NAALADL2: variants seen among roughly 807,000 people sequenced by gnomAD.
NAALADL2 encodes N-acetylated alpha-linked acidic dipeptidase like 2, also known as inactive N-acetylated-alpha-linked acidic dipeptidase-like protein 2.
A neutral mutation model predicts 87.2 loss-of-function variants in NAALADL2; 76 were observed. The observed-to-expected ratio is 0.87, with a 90% CI of 0.72 to 1.05. The LOEUF is 1.05. Ranked by LOEUF, NAALADL2 falls within the 50% of genes least tolerant of loss-of-function variation. NAALADL2 has a pLI of 0.00. For synonymous variants in NAALADL2, 354 were observed against 331.0 expected (o/e 1.07, Z -0.75); for missense variants, 1,089 against 945.8 (o/e 1.15, Z -1.99).
chr3:175,259,031 C>T lies in NAALADL2; in HGVS notation c.939+2501C>T, dbSNP rs144240472. On this transcript the variant is annotated intron_variant, in intron 4 of 13. Coordinates refer to ENST00000454872, the MANE Select transcript of NAALADL2 (RefSeq NM_207015.3). ...TAGGCAGTGACCAGCCAGATTAAAG[C>T]GGCATTTGTCTACATCAAGTAAATT... Among the ~76,000 whole-genome samples, 33 of 152,220 alleles carry T rather than the reference C, an allele frequency of 2.2e-4. No individual in the cohort carries two copies. The East Asian group carries it at 6.0e-3, about 28-fold the overall frequency.
At chr3:175,159,993 C>T (rs566810887) in intron 2 of NAALADL2, among the ~76,000 whole-genome samples, 140 of 68,600 alleles carry the variant, frequency 2.0e-3, no homozygotes, top group Admixed American at 4.7e-3. Context: ...TGTGCTACCA[C>T]TCGTGACTTT....
intron 9 of NAALADL2, among the ~76,000 whole-genome samples, chr3:175,575,521 G>A (rs966835028): frequency 2.6e-5 from 4 of 152,058 alleles, no homozygotes; most frequent in African/African-American, 9.7e-5. Flanking sequence ...CTAACCTCAG[G>A]TGACCCGCCT....
At chr3:175,008,582 C>A (rs558957916) in intron 1 of NAALADL2, among the ~76,000 whole-genome samples, 1 of 152,244 alleles carries the variant, frequency 6.6e-6, no homozygotes, top group Non-Finnish European at 1.5e-5. Flanking sequence ...GTTTCTTATA[C>A]TAAGTAAAGA....
At chr3:175,796,775 G>A (rs1753549289) in intron 13 of NAALADL2, among the ~76,000 whole-genome samples, 1 of 152,058 alleles carries the variant, frequency 6.6e-6, no homozygotes, top group Admixed American at 6.6e-5. Context: ...CTCAACATGG[G>A]GTATAATGAA....
intron 11 of NAALADL2, among the ~76,000 whole-genome samples, chr3:175,722,315 T>C (rs914133050): frequency 7.2e-5 from 11 of 152,120 alleles, no homozygotes; most frequent in Admixed American, 7.2e-4. Flanking sequence ...TTCACAAGTA[T>C]GTATTGTGTA....
intron 2 of NAALADL2, among the ~76,000 whole-genome samples, chr3:174,723,820 T>A (rs1490853033): frequency 1.4e-5 from 2 of 138,562 alleles, no homozygotes; most frequent in Admixed American, 1.5e-4. Context: ...ATACTGGAGG[T>A]TTTTAGGATT....
chr3:174,900,463 A>G (rs532873823), intron 1 of NAALADL2, among the ~76,000 whole-genome samples: 6 of 152,202 alleles, frequency 3.9e-5, no homozygotes, highest in African/African-American at 4.8e-5. Context: ...ACATGTTTCT[A>G]TGTGAATGTA....
At chr3:175,088,633 G>A (rs368085159) in intron 1 of NAALADL2, among the ~76,000 whole-genome samples, 213 of 152,288 alleles carry the variant, frequency 1.4e-3, no homozygotes, top group African/African-American at 4.9e-3. Flanking sequence ...AACCAATAAA[G>A]TACCTTTGAA....
intron 13 of NAALADL2, among the ~76,000 whole-genome samples, chr3:175,775,323 A>C (rs975513483): frequency 4.6e-5 from 7 of 152,070 alleles, no homozygotes; most frequent in Non-Finnish European, 8.8e-5. Flanking sequence ...GTCATACTTA[A>C]TATAGAAAGG....
chr3:174,882,896 T>C (rs1408224511), intron 1 of NAALADL2, among the ~76,000 whole-genome samples: 1 of 150,322 alleles, frequency 6.7e-6, no homozygotes, highest in Non-Finnish European at 1.5e-5. Context: ...TATATGTATA[T>C]ATATGTGTAT....
chr3:175,725,751 A>G (rs982653081), intron 11 of NAALADL2, among the ~76,000 whole-genome samples: 1 of 152,184 alleles, frequency 6.6e-6, no homozygotes, highest in African/African-American at 2.4e-5. Context: ...TGGGAAATTT[A>G]ATTAACTGAG....
At chr3:174,733,390 G>A (rs1732892245) in intron 2 of NAALADL2, among the ~76,000 whole-genome samples, 1 of 152,200 alleles carries the variant, frequency 6.6e-6, no homozygotes, top group South Asian at 2.1e-4. Context: ...AAGGCATTAT[G>A]TTAGACAAAA....
At chr3:174,679,908 A>G (rs1266260634) in intron 2 of NAALADL2, among the ~76,000 whole-genome samples, 3 of 152,294 alleles carry the variant, frequency 2.0e-5, no homozygotes, top group Admixed American at 1.3e-4. Context: ...TGAAATATGT[A>G]CTTACAATTA....
intron 1 of NAALADL2, among the ~76,000 whole-genome samples, chr3:174,922,644 C>G (rs906387216): frequency 1.9e-4 from 29 of 152,248 alleles, no homozygotes; most frequent in African/African-American, 7.0e-4. Context: ...AAAACTTGCT[C>G]AGTCTTTCCT....
intron 3 of NAALADL2, among the ~76,000 whole-genome samples, chr3:174,846,308 A>T (rs1481499604): frequency 1.3e-5 from 2 of 152,124 alleles, no homozygotes; most frequent in Non-Finnish European, 2.9e-5. Context: ...TTGCTTCATA[A>T]CATACTTCCT....
intron 2 of NAALADL2, among the ~76,000 whole-genome samples, chr3:175,099,808 A>G (rs1411984286): frequency 1.3e-5 from 2 of 152,164 alleles, no homozygotes; most frequent in African/African-American, 2.4e-5. Context: ...TGCAGACTCT[A>G]TAAGAGAATG....
chr3:175,447,293 C>T lies in NAALADL2; in HGVS notation c.1155C>T (p.Pro385=), dbSNP rs777960593. The T allele has an allele frequency of 8.1e-6, 13 of 1,605,254 alleles. No homozygotes were observed. Among genetic ancestry groups the T allele is most frequent in the Non-Finnish European group, 6.0e-6 (7 of 1,174,584 alleles). The change falls in exon 6 of 14, where the codon CCC becomes CCT. Residue 385 remains proline (P), a synonymous_variant. Transcript: ENST00000454872. ...TSLLVQPISA[P]LVAKLISSPK... ...TATTAGTGCAGCCCATCTCTGCACC[C>T]CTCGTTGCAAAACTGATCTCTTCGC...
chr3:175,279,045 C>T (rs1753949724), intron 4 of NAALADL2, among the ~76,000 whole-genome samples: 1 of 152,136 alleles, frequency 6.6e-6, no homozygotes, highest in Non-Finnish European at 1.5e-5. Flanking sequence ...GTGTATCCTT[C>T]ATTTCAGAAG....
rs1026879734 is a variant in NAALADL2 at position 174,889,731 on chromosome 3, A to G, written c.43+30281A>G. Reference sequence around the variant, plus strand: ...AGAAAAGAGACCTCCTAGAAATTCAATTGATTATTTTAATTCTTTTTCTGA... The same window carrying G: ...AGAAAAGAGACCTCCTAGAAATTCAGTTGATTATTTTAATTCTTTTTCTGA... On this transcript the variant is annotated intron_variant, in intron 1 of 13. Coordinates refer to ENST00000454872, the MANE Select transcript of NAALADL2 (RefSeq NM_207015.3). Among the ~76,000 whole-genome samples the G allele has an allele frequency of 4.6e-5, 7 of 152,126 alleles. No homozygotes were observed. In the South Asian group the frequency reaches 6.2e-4, roughly 14 times the overall value.
Sources: gnomAD v4.1 joint callset for allele counts (sites outside exome capture counted in the v4.1 genomes callset) on GRCh38, gnomAD v4.1.1 for gene constraint, MANE v1.5 for transcripts, NCBI Gene and HGNC (gene_info 2026-07-23, HGNC 2026-07-21) for gene names.